The following CRTAM variants were observed in gnomAD, a reference collection of about 807,000 sequenced individuals.
The protein encoded by CRTAM is cytotoxic and regulatory T cell molecule.
CRTAM carries 44 observed loss-of-function variants against 50.0 expected under a neutral mutation model. The observed-to-expected ratio is 0.88, with a 90% CI of 0.69 to 1.13. The LOEUF (loss-of-function observed/expected upper bound fraction) is 1.13, where lower values mean the gene tolerates loss of function less well. Ranked by LOEUF, CRTAM falls within the 50% of genes most tolerant of loss-of-function variation. The probability of loss-of-function intolerance (pLI) is 0.00; values close to 1 mark genes in which losing one functional copy is unlikely to be tolerated. For synonymous variants in CRTAM, 159 were observed against 169.3 expected, an observed-to-expected ratio of 0.94 and a Z score of 0.47; for missense variants, 448 against 457.5, an observed-to-expected ratio of 0.98 and a Z score of 0.19.
chr11:122,850,882 G>A (rs1172187012), intron 2 of CRTAM, among the ~76,000 whole-genome samples: 2 of 152,158 alleles, frequency 1.3e-5, no homozygotes, highest in Non-Finnish European at 2.9e-5. Context: ...ATCATTTTAT[G>A]TCTCCATTTA....
intron 1 of CRTAM, among the ~76,000 whole-genome samples, chr11:122,840,521 TA>T (rs1861785965): frequency 1.3e-5 from 2 of 152,136 alleles, no homozygotes; most frequent in South Asian, 4.2e-4. Context: ...GATTCAATAT[TA>T]AAAAGTCCTA....
At chr11:122,843,041 G>A (rs1861818382) in intron 1 of CRTAM, among the ~76,000 whole-genome samples, 1 of 152,204 alleles carries the variant, frequency 6.6e-6, no homozygotes, top group Non-Finnish European at 1.5e-5. Context: ...CTACATGATA[G>A]TCTATAGTAG....
intron 1 of CRTAM, among the ~76,000 whole-genome samples, chr11:122,844,708 T>C (rs1861841519): frequency 6.6e-6 from 1 of 152,242 alleles, no homozygotes; most frequent in Non-Finnish European, 1.5e-5. Flanking sequence ...AACTTCAGTC[T>C]GTTTATAGGC....
intron 5 of CRTAM, among the ~76,000 whole-genome samples, chr11:122,860,087 G>A (rs978468644): frequency 1.1e-4 from 16 of 152,102 alleles, no homozygotes; most frequent in Admixed American, 3.3e-4. Flanking sequence ...TGCTCTTGTC[G>A]TTCAGACTGG....
chr11:122,860,188 T>G (rs1453389356), intron 5 of CRTAM, among the ~76,000 whole-genome samples: 3 of 152,082 alleles, frequency 2.0e-5, no homozygotes, highest in Non-Finnish European at 4.4e-5. Context: ...GCTGGGATTA[T>G]AGGTGCCCAC....
chr11:122,841,602 A>G (rs925843274), intron 1 of CRTAM, among the ~76,000 whole-genome samples: 3 of 151,924 alleles, frequency 2.0e-5, no homozygotes, highest in Non-Finnish European at 4.4e-5. Flanking sequence ...GGCTTTCACC[A>G]TGTTAGCCAG....
Position 122,864,673 on chromosome 11 carries a change from C to G in CRTAM, c.771C>G (p.Asp257Glu), listed in dbSNP as rs372381479. 1 of 1,613,652 alleles carries G rather than the reference C, an allele frequency of 6.2e-7. No homozygotes were observed. Among genetic ancestry groups the G allele is most frequent in the Non-Finnish European group, 8.5e-7 (1 of 1,179,672 alleles). The change falls in exon 7 of 10, where the codon GAC becomes GAG. Residue 257 changes from aspartate to glutamate, a missense_variant. Asp to Glu is a conservative substitution (Grantham distance 45, BLOSUM62 2). Transcript: ENST00000227348. Reference sequence around the variant, plus strand: ...AAGATTCTAGTACATCGGAGATTGACAAGGAAGAGAAAGAACAAACCACTC... The same window carrying G: ...AAGATTCTAGTACATCGGAGATTGAGAAGGAAGAGAAAGAACAAACCACTC... ...VTEDSSTSEI[D>E]KEEKEQTTQD...
Position 122,868,185 on chromosome 11 carries a change from AAT to A in CRTAM, c.1051+89_1051+90del, listed in dbSNP as rs1272595875. On this transcript the variant is annotated intron_variant, in intron 9 of 9. Transcript: ENST00000227348. Reference sequence around the variant, plus strand: ...TTCTCCAGAGAGACAGAGACAACAGAATATGTGTGTGTGTGTGTGTGTGTGTG... The same window carrying A: ...TTCTCCAGAGAGACAGAGACAACAGAATGTGTGTGTGTGTGTGTGTGTGTG... 3.1e-3 allele frequency: 1,976 copies of A among 644,096 alleles called. 14 individuals are homozygous for A. Among genetic ancestry groups the A allele is most frequent in the Non-Finnish European group, 4.4e-3 (1,590 of 361,186 alleles). The allele number at this position is 644,096 out of a possible 1,614,324, so 39.9% of individuals were successfully genotyped here.
chr11:122,838,602 T>G lies in CRTAM; in HGVS notation c.46+10T>G. 1 of 1,613,854 alleles carries G rather than the reference T, an allele frequency of 6.2e-7. No homozygotes were observed. The highest frequency in any genetic ancestry group is 8.5e-7 in the Non-Finnish European group (1 of 1,179,710). On this transcript the variant is annotated intron_variant, in intron 1 of 9. Coordinates refer to ENST00000227348, the MANE Select transcript of CRTAM (RefSeq NM_019604.4). ...TGGTTCCCCTTGCAAGGTAAGGACTTAGAGTTATTTTTGTTGTTGCTCAGC... is the reference window on the plus strand; with the variant it reads ...TGGTTCCCCTTGCAAGGTAAGGACTGAGAGTTATTTTTGTTGTTGCTCAGC...
In CRTAM at chr11:122,871,514, G is replaced by A. The variant is rs1487915007; in HGVS notation, c.*115G>A. The A allele has an allele frequency of 5.0e-6, 4 of 794,830 alleles. No individual in the cohort carries two copies. The Admixed American group carries it at 1.2e-4, about 25-fold the overall frequency. 49.2% of individuals were successfully genotyped at this position (794,830 alleles called of 1,614,324 possible). ...ATTAATAATGACCTCTTAGTGCAAT[G>A]CAAGATGGTGTCCTCGGATAATGAT... On this transcript the variant is annotated 3_prime_UTR_variant, in exon 10 of 10. Transcript: ENST00000227348.
intron 1 of CRTAM, among the ~76,000 whole-genome samples, chr11:122,840,182 A>G (rs1006842425): frequency 6.6e-6 from 1 of 152,188 alleles, no homozygotes; most frequent in African/African-American, 2.4e-5. Context: ...AACCTAAATT[A>G]CTTAAATATT....
At chr11:122,854,856 C>A (rs73602764) in intron 4 of CRTAM, among the ~76,000 whole-genome samples, 18,678 of 151,996 alleles carry the variant, frequency 0.12, 1,289 homozygotes, top group African/African-American at 0.17. Flanking sequence ...AAAGGTTGAG[C>A]CTTTGAAACA....
chr11:122,870,173 C>T lies in CRTAM; in HGVS notation c.1052-1096C>T, dbSNP rs183109991. On this transcript the variant is annotated intron_variant, in intron 9 of 9. Coordinates refer to ENST00000227348, the MANE Select transcript of CRTAM (RefSeq NM_019604.4). ...ATAGGTCACTGCAGCCTTGACCTTT[C>T]GAGCTCAATCAGTCCTCCCGCCTCA... Among the ~76,000 whole-genome samples the T allele has an allele frequency of 1.6e-3, 245 of 152,224 alleles. 4 individuals carry two copies. Among genetic ancestry groups the T allele is most frequent in the Admixed American group, 0.016 (238 of 15,284 alleles).
intron 7 of CRTAM, among the ~76,000 whole-genome samples, chr11:122,865,024 CT>C (rs998286617): frequency 8.6e-5 from 13 of 151,622 alleles, no homozygotes; most frequent in Non-Finnish European, 1.5e-4. Context: ...TTGTTCTTCC[CT>C]TTTTTTTATA....
intron 4 of CRTAM, among the ~76,000 whole-genome samples, chr11:122,854,995 G>T (rs371487705): frequency 6.6e-6 from 1 of 152,006 alleles, no homozygotes; most frequent in African/African-American, 2.4e-5. Flanking sequence ...CTGTCTCCCA[G>T]TGCAGTGGCA....
intron 5 of CRTAM, among the ~76,000 whole-genome samples, chr11:122,859,736 T>G (rs1281424888): frequency 6.6e-6 from 1 of 152,212 alleles, no homozygotes; most frequent in African/African-American, 2.4e-5. Flanking sequence ...AGTTGCTATG[T>G]GGACTCTGGG....
intron 3 of CRTAM, among the ~76,000 whole-genome samples, chr11:122,853,106 C>T (rs1861954433): frequency 2.0e-5 from 3 of 151,566 alleles, no homozygotes; most frequent in East Asian, 2.0e-4. Flanking sequence ...CTCTGTTGCC[C>T]GGGCTGGAGT....
At chr11:122,847,390 A>T (rs1861878947) in intron 1 of CRTAM, among the ~76,000 whole-genome samples, 1 of 152,232 alleles carries the variant, frequency 6.6e-6, no homozygotes, top group Non-Finnish European at 1.5e-5. Flanking sequence ...AAGAGCCAGA[A>T]TGTTCTCAGA....
chr11:122,839,426 T>C (rs1481112863), intron 1 of CRTAM, among the ~76,000 whole-genome samples: 4 of 152,244 alleles, frequency 2.6e-5, no homozygotes, highest in Admixed American at 2.0e-4. Flanking sequence ...GCAACACTTA[T>C]TTAGCTCAGA....
Sources: allele counts gnomAD v4.1 joint callset (sites outside exome capture counted in the v4.1 genomes callset), GRCh38; gene constraint gnomAD v4.1.1; transcripts MANE v1.5; gene names NCBI Gene and HGNC (gene_info 2026-07-23, HGNC 2026-07-21).